TSNARE1: variants seen among roughly 807,000 people sequenced by gnomAD.
TSNARE1 encodes t-SNARE domain containing 1, also known as t-SNARE domain-containing protein 1.
A neutral mutation model predicts 62.0 loss-of-function variants in TSNARE1; 49 were observed. That is an observed-to-expected ratio of 0.79 (90% CI 0.63 to 1.00). TSNARE1 has a LOEUF of 1.00. Ranked by LOEUF, TSNARE1 falls within the 50% of genes least tolerant of loss-of-function variation. The probability of loss-of-function intolerance (pLI) is 0.00; values close to 1 mark genes in which losing one functional copy is unlikely to be tolerated. For missense variants in TSNARE1, 755 were observed against 700.1 expected (o/e 1.08, Z -0.88); for synonymous variants, 328 against 294.4 (o/e 1.11, Z -1.17).
At chr8:142,262,712 G>C (rs1818956714) in intron 12 of TSNARE1, among the ~76,000 whole-genome samples, 1 of 152,116 alleles carries the variant, frequency 6.6e-6, no homozygotes, top group Non-Finnish European at 1.5e-5. Context: ...AGGCATGTAA[G>C]ACGTGCCTAC....
intron 1 of TSNARE1, among the ~76,000 whole-genome samples, chr8:142,373,025 C>T (rs1428974275): frequency 2.0e-5 from 3 of 152,206 alleles, no homozygotes; most frequent in Admixed American, 2.0e-4. Context: ...TCCCTCCATC[C>T]TACCCCTCAG....
chr8:142,394,720 AG>A (rs1452695315), intron 1 of TSNARE1, among the ~76,000 whole-genome samples: 1 of 152,140 alleles, frequency 6.6e-6, no homozygotes, highest in Admixed American at 6.5e-5. Context: ...TGCTCCAACC[AG>A]GGGCAGCAGG....
chr8:142,222,490 AT>A (rs1816375541), intron 13 of TSNARE1, among the ~76,000 whole-genome samples: 1 of 20,626 alleles, frequency 4.8e-5, no homozygotes, highest in Non-Finnish European at 1.4e-4. Flanking sequence ...TCACTCACTC[AT>A]CCACTCACTC....
intron 7 of TSNARE1, among the ~76,000 whole-genome samples, chr8:142,317,507 G>A (rs967738358): frequency 1.3e-5 from 2 of 152,258 alleles, no homozygotes; most frequent in Non-Finnish European, 2.9e-5. Context: ...CTGTGCTTAT[G>A]AAGCGGGTTC....
In TSNARE1 at chr8:142,229,450, G is replaced by A. The variant is rs555545601; in HGVS notation, c.*11+23C>T. 1.9e-6 allele frequency: 3 copies of A among 1,567,250 alleles called. No homozygotes were observed. The South Asian group carries it at 3.3e-5, about 17-fold the overall frequency. The stretch of plus-strand genomic sequence containing the variant: ...GTGGATGTGCAGATGAATGGATGGT[G>A]TACGGGTAGGTGGGGTACTCACCAC... On this transcript the variant is annotated intron_variant, in intron 13 of 13. Coordinates refer to ENST00000524325, the MANE Select transcript of TSNARE1 (RefSeq NM_145003.5).
intron 2 of TSNARE1, among the ~76,000 whole-genome samples, chr8:142,347,543 G>A (rs533293939): frequency 6.6e-5 from 10 of 152,312 alleles, no homozygotes; most frequent in Non-Finnish European, 1.3e-4. Context: ...GGCCTGTGAG[G>A]GGATCCAGGC....
intron 10 of TSNARE1, among the ~76,000 whole-genome samples, chr8:142,294,103 T>C (rs1378163640): frequency 6.6e-6 from 1 of 151,934 alleles, no homozygotes; most frequent in East Asian, 1.9e-4. Flanking sequence ...GCAAACTGCT[T>C]CAGGGTCTGC....
At chr8:142,261,573 C>A (rs1818890136) in intron 12 of TSNARE1, among the ~76,000 whole-genome samples, 1 of 152,042 alleles carries the variant, frequency 6.6e-6, no homozygotes, top group South Asian at 2.1e-4. Context: ...TGCCTCAATG[C>A]ATTGACCCAT....
At chr8:142,229,390 G>T (rs1166929913) in intron 13 of TSNARE1, 83 bp downstream of exon 13, 2 of 1,121,974 alleles carry the variant, frequency 1.8e-6, no homozygotes, top group Non-Finnish European at 2.7e-6. Flanking sequence ...ATGGTGGATG[G>T]TTAGATGGAT....
chr8:142,354,639 A>C lies in TSNARE1; in HGVS notation c.86T>G (p.Leu29Arg), dbSNP rs1299585711. Residue 29 changes from leucine (L) to arginine (R), a missense_variant and splice_region_variant, in exon 2 of 14, where the codon CTA (leucine) becomes CGA (arginine). Coordinates refer to ENST00000524325, the MANE Select transcript of TSNARE1 (RefSeq NM_145003.5). The stretch of plus-strand genomic sequence containing the variant: ...CCACTTCCAGCTACTATCATTACCT[A>C]GGGGCTGACAGCCTTGTCTCGAAGG... ...GGPSRQGCQP[L>R]ECARCWTEYG... is the part of the protein sequence containing the mutation. 3 of 1,611,020 alleles carry C rather than the reference A, an allele frequency of 1.9e-6. No homozygotes were observed. The South Asian group carries it at 3.3e-5, about 18-fold the overall frequency.
chr8:142,275,920 G>C (rs988428278), intron 11 of TSNARE1: 3 of 985,334 alleles, frequency 3.0e-6, no homozygotes, highest in Non-Finnish European at 3.6e-6. Context: ...TCCCAGCAAG[G>C]ACTCCCTACT....
chr8:142,330,035 G>A (rs1194930715), intron 6 of TSNARE1, among the ~76,000 whole-genome samples: 1 of 152,236 alleles, frequency 6.6e-6, no homozygotes, highest in Non-Finnish European at 1.5e-5. Flanking sequence ...CTTTCAGGGT[G>A]CAAGGCTGGT....
intron 2 of TSNARE1, among the ~76,000 whole-genome samples, chr8:142,353,849 G>A (rs1323468583): frequency 6.6e-6 from 1 of 152,084 alleles, no homozygotes; most frequent in Non-Finnish European, 1.5e-5. Context: ...GCCCCACGGC[G>A]AGGGAGCCCC....
At chr8:142,332,870 A>G (rs1218774217) in intron 4 of TSNARE1, among the ~76,000 whole-genome samples, 2 of 152,070 alleles carry the variant, frequency 1.3e-5, no homozygotes, top group Non-Finnish European at 2.9e-5. Context: ...CCTGAAGAGC[A>G]CTCCCAGCTC....
intron 1 of TSNARE1, among the ~76,000 whole-genome samples, chr8:142,394,660 G>C (rs578220067): frequency 6.6e-6 from 1 of 152,192 alleles, no homozygotes; most frequent in Non-Finnish European, 1.5e-5. Context: ...TCATGGTCTT[G>C]GGAAACTACA....
intron 12 of TSNARE1, among the ~76,000 whole-genome samples, chr8:142,244,308 T>C (rs1436018833): frequency 6.6e-6 from 1 of 152,184 alleles, no homozygotes; most frequent in African/African-American, 2.4e-5. Context: ...TTTACAAAGA[T>C]CACACACATT....
intron 4 of TSNARE1, among the ~76,000 whole-genome samples, chr8:142,337,149 A>C (rs1831860981): frequency 6.6e-6 from 1 of 152,246 alleles, no homozygotes; most frequent in Non-Finnish European, 1.5e-5. Context: ...ATCAATAGAG[A>C]AAACTAATGA....
intron 1 of TSNARE1, among the ~76,000 whole-genome samples, chr8:142,387,492 G>T (rs947275671): frequency 6.6e-6 from 1 of 151,822 alleles, no homozygotes; most frequent in Non-Finnish European, 1.5e-5. Flanking sequence ...AATCTTGGAA[G>T]AAAAAATAAA....
intron 1 of TSNARE1, among the ~76,000 whole-genome samples, chr8:142,363,295 C>T (rs1242509401): frequency 6.6e-6 from 1 of 152,208 alleles, no homozygotes; most frequent in Non-Finnish European, 1.5e-5. Context: ...ATGGAGGCTG[C>T]TGGCCCTGCC....
Sources: gnomAD v4.1 joint callset for allele counts (sites outside exome capture counted in the v4.1 genomes callset) on GRCh38, gnomAD v4.1.1 for gene constraint, MANE v1.5 for transcripts, NCBI Gene and HGNC (gene_info 2026-07-23, HGNC 2026-07-21) for gene names.